CERS6: variants seen among roughly 807,000 people sequenced by gnomAD.
CERS6 encodes ceramide synthase 6, also known as LAG1 homolog, ceramide synthase 6.
CERS6 carries 26 observed loss-of-function variants against 56.8 expected under a neutral mutation model. The observed-to-expected ratio is 0.46, with a 90% confidence interval of 0.34 to 0.63. The LOEUF is 0.63. Ranked by LOEUF, CERS6 falls within the 30% of genes least tolerant of loss-of-function variation. CERS6 has a pLI of 0.01. For synonymous variants in CERS6, 164 were observed against 173.3 expected (o/e 0.95, Z 0.42); for missense variants, 415 against 467.5 (o/e 0.89, Z 1.04).
At chr2:168,651,377 GA>G (rs1252210209) in intron 4 of CERS6, among the ~76,000 whole-genome samples, 3 of 152,130 alleles carry the variant, frequency 2.0e-5, no homozygotes, top group Non-Finnish European at 4.4e-5. Context: ...TAGCCTTTGG[GA>G]CAATTATATT....
rs145880597 is a variant in CERS6, at chr2:168,680,489, C to CACTG, written c.466-10541_466-10538dup. On this transcript the variant is annotated intron_variant, in intron 4 of 9. Transcript: ENST00000305747. ...TGGCAGTTCCCTTCCTCCATCTGCT[C>CACTG]ACTGACTACATTCTGTTTGTCCTCT... 1.0e-2 allele frequency among the ~76,000 whole-genome samples: 1,519 copies of CACTG among 152,294 alleles called. 20 individuals carry two copies. The highest frequency in any genetic ancestry group is 0.034 in the African/African-American group (1,410 of 41,542).
intron 1 of CERS6, among the ~76,000 whole-genome samples, chr2:168,538,259 A>AT (rs1485162250): frequency 6.7e-6 from 1 of 148,412 alleles, no homozygotes; most frequent in African/African-American, 2.5e-5. Flanking sequence ...AAAAAAAAAA[A>AT]GTCCCTAAAA....
At chr2:168,460,874 C>T (rs1055002252) in intron 1 of CERS6, among the ~76,000 whole-genome samples, 2 of 152,296 alleles carry the variant, frequency 1.3e-5, no homozygotes, top group South Asian at 2.1e-4. Context: ...CTTCAAGAAA[C>T]GACAGGGTCT....
intron 8 of CERS6, among the ~76,000 whole-genome samples, chr2:168,735,900 A>G (rs1327083576): frequency 8.8e-6 from 1 of 113,086 alleles, no homozygotes; most frequent in Non-Finnish European, 1.9e-5. Flanking sequence ...AAAAAAAAAG[A>G]AAGAAAGAAA....
At chr2:168,619,973 C>T (rs1265381150) in intron 3 of CERS6, among the ~76,000 whole-genome samples, 3 of 144,104 alleles carry the variant, frequency 2.1e-5, no homozygotes, top group African/African-American at 7.6e-5. Flanking sequence ...TTATTTATCC[C>T]CTCGTTGATT....
intron 8 of CERS6, among the ~76,000 whole-genome samples, chr2:168,736,035 A>G (rs887559500): frequency 2.3e-4 from 35 of 152,118 alleles, no homozygotes; most frequent in Non-Finnish European, 4.4e-4. Flanking sequence ...GCAAGACCCC[A>G]TGACCCCATC....
chr2:168,615,618 G>C (rs1258897843), intron 3 of CERS6, among the ~76,000 whole-genome samples: 1 of 151,704 alleles, frequency 6.6e-6, no homozygotes, highest in Non-Finnish European at 1.5e-5. Flanking sequence ...AGAAAAAAGA[G>C]TGTCAGAGCT....
intron 6 of CERS6, 134 bp from the exon 7 acceptor site, chr2:168,714,867 C>T (rs1038561391): frequency 3.2e-5 from 23 of 711,296 alleles, no homozygotes; most frequent in Middle Eastern, 4.3e-4. Flanking sequence ...AAGAATTATA[C>T]GTTATTCATA....
chr2:168,743,340 T>C (rs771794516), intron 8 of CERS6, among the ~76,000 whole-genome samples: 5 of 152,110 alleles, frequency 3.3e-5, no homozygotes, highest in Middle Eastern at 3.4e-3. Flanking sequence ...GAGCTTTATA[T>C]ATAAGAGTTG....
intron 6 of CERS6, among the ~76,000 whole-genome samples, chr2:168,711,562 C>T (rs994812536): frequency 2.6e-5 from 4 of 151,770 alleles, no homozygotes; most frequent in African/African-American, 7.3e-5. Context: ...GGTGAAACCC[C>T]GTCTCAACCG....
At chr2:168,679,251 A>T (rs889061164) in intron 4 of CERS6, among the ~76,000 whole-genome samples, 8 of 152,194 alleles carry the variant, frequency 5.3e-5, no homozygotes, top group Admixed American at 5.2e-4. Context: ...CTGGGGCTCT[A>T]TTGCAAAATA....
chr2:168,495,066 G>A (rs1694441735), intron 1 of CERS6, among the ~76,000 whole-genome samples: 1 of 152,108 alleles, frequency 6.6e-6, no homozygotes, highest in Non-Finnish European at 1.5e-5. Context: ...GCAGTCCTTT[G>A]CTTTGACACA....
At chr2:168,462,874 T>C in intron 1 of CERS6, among the ~76,000 whole-genome samples, 1 of 152,220 alleles carries the variant, frequency 6.6e-6, no homozygotes, top group Non-Finnish European at 1.5e-5. Flanking sequence ...TTCTTGTTAC[T>C]AATGCTGTGG....
chr2:168,740,895 G>A (rs1268761123), intron 8 of CERS6, among the ~76,000 whole-genome samples: 1 of 152,222 alleles, frequency 6.6e-6, no homozygotes, highest in African/African-American at 2.4e-5. Flanking sequence ...TTAGAGTAGA[G>A]TGGTGGTAGT....
At chr2:168,675,269 G>A (rs935240558) in intron 4 of CERS6, among the ~76,000 whole-genome samples, 2 of 150,786 alleles carry the variant, frequency 1.3e-5, no homozygotes, top group African/African-American at 2.4e-5. Flanking sequence ...ACCGCGCCCA[G>A]TTTACATTAC....
chr2:168,545,499 A>G (rs969302464), intron 1 of CERS6, among the ~76,000 whole-genome samples: 1 of 150,468 alleles, frequency 6.6e-6, no homozygotes, highest in Non-Finnish European at 1.5e-5. Flanking sequence ...AATACTAAAA[A>G]TTTTTTTTGA....
Position 168,774,738 on chromosome 2 carries a change from A to G in CERS6, c.*5076A>G, listed in dbSNP as rs1286877862. On this transcript the variant is annotated 3_prime_UTR_variant, in exon 10 of 10. Coordinates refer to ENST00000305747, the MANE Select transcript of CERS6 (RefSeq NM_203463.3). The stretch of plus-strand genomic sequence containing the variant: ...TTCATTACTTTAAGAATGGAAAACA[A>G]CCTCTGAGTTTGATTTCCCAAAGTT... 2 of 152,124 alleles carry G rather than the reference A, an allele frequency of 1.3e-5. No homozygotes were observed. Among genetic ancestry groups the G allele is most frequent in the Non-Finnish European group, 2.9e-5 (2 of 68,038 alleles). 9.4% of individuals were successfully genotyped at this position (152,124 alleles called of 1,614,324 possible).
chr2:168,519,753 A>G (rs550431442), intron 1 of CERS6, among the ~76,000 whole-genome samples: 9 of 152,254 alleles, frequency 5.9e-5, no homozygotes, highest in African/African-American at 2.2e-4. Flanking sequence ...TCCATGGTGT[A>G]TATGTATTAG....
At position 168,768,293 on chromosome 2, in the gene CERS6, G is replaced by A. The variant is rs375635380; in HGVS notation, c.1003-1217G>A. ...TGCTCTGGCTGGAGTGCAATGGCGC[G>A]ATCTTGGCTCACCGCAACCTCCACT... On this transcript the variant is annotated intron_variant, in intron 9 of 9. Transcript: ENST00000305747. Among the ~76,000 whole-genome samples, 5 of 151,366 alleles carry A rather than the reference G, an allele frequency of 3.3e-5. No individual in the cohort carries two copies. The South Asian group carries it at 6.3e-4, about 19-fold the overall frequency.
Sources: gnomAD v4.1 joint callset for allele counts (sites outside exome capture counted in the v4.1 genomes callset) on GRCh38, gnomAD v4.1.1 for gene constraint, MANE v1.5 for transcripts, NCBI Gene and HGNC (gene_info 2026-07-23, HGNC 2026-07-21) for gene names.